Variants in CLVS2 observed in about 807,000 individuals in gnomAD.
CLVS2 encodes the protein clavesin 2, also known as clavesin-2.
CLVS2 carries 19 observed loss-of-function variants against 29.0 expected under a neutral mutation model. That is an observed-to-expected ratio of 0.66 (90% CI 0.46 to 0.96). The LOEUF (loss-of-function observed/expected upper bound fraction) is 0.96. CLVS2 is among the 40% of genes least tolerant of loss of function. The pLI is 0.00. For missense variants in CLVS2, 294 were observed against 404.1 expected (o/e 0.73, Z 2.34); for synonymous variants, 161 against 151.3 (o/e 1.06, Z -0.47).
chr6:123,025,508 G>T (rs759745565), intron 3 of CLVS2, among the ~76,000 whole-genome samples: 1 of 152,106 alleles, frequency 6.6e-6, no homozygotes, highest in Non-Finnish European at 1.5e-5. Flanking sequence ...AATCTGAGTG[G>T]TATAAAGGGT....
At chr6:123,025,628 C>T (rs1263600571) in intron 3 of CLVS2, among the ~76,000 whole-genome samples, 1 of 152,148 alleles carries the variant, frequency 6.6e-6, no homozygotes, top group Non-Finnish European at 1.5e-5. Flanking sequence ...AAGCTGAGTC[C>T]TTCTCCAAGA....
intron 3 of CLVS2, among the ~76,000 whole-genome samples, chr6:123,016,161 G>A (rs1000981267): frequency 6.6e-5 from 10 of 151,062 alleles, no homozygotes; most frequent in Non-Finnish European, 1.3e-4. Flanking sequence ...ACTTACAAGA[G>A]TTAACTGATT....
In CLVS2 at chr6:122,998,103, C is replaced by G; in HGVS notation, c.326C>G (p.Ala109Gly). The change falls in exon 2 of 6, where the codon GCC becomes GGC. Residue 109 changes from alanine (A) to glycine (G), a missense_variant. Around this residue, in one of 2 missense-constraint regions of CLVS2, gnomAD observed 212 missense variants for 336.4 expected, o/e 0.63. Coordinates refer to ENST00000275162, the MANE Select transcript of CLVS2 (RefSeq NM_001010852.4). ...ALKDGFPGGL[A>G]NLDHYGRKIL... The stretch of plus-strand genomic sequence containing the variant: ...AAGGATGGCTTCCCTGGGGGCCTGG[C>G]CAATCTGGACCACTATGGCAGGAAG... The G allele has an allele frequency of 3.1e-6, 5 of 1,614,056 alleles. No individual in the cohort carries two copies. The highest frequency in any genetic ancestry group is 4.2e-6 in the Non-Finnish European group (5 of 1,180,014).
intron 3 of CLVS2, among the ~76,000 whole-genome samples, chr6:123,037,532 C>A (rs1002233471): frequency 6.6e-6 from 1 of 152,186 alleles, no homozygotes; most frequent in Admixed American, 6.5e-5. Context: ...AAATCACTGT[C>A]TTCTGCTCTA....
intron 2 of CLVS2, among the ~76,000 whole-genome samples, chr6:123,007,184 G>A (rs1037765579): frequency 6.6e-6 from 1 of 152,132 alleles, no homozygotes; most frequent in Non-Finnish European, 1.5e-5. Context: ...TGTTGAAAAA[G>A]CAAAAGTCAT....
rs184851464 is a variant in CLVS2, at chr6:123,017,902, G to T, written c.564+6743G>T. ...AAGCAGGTGTCAACCTTGACAAAAA[G>T]TAAAATAGAGAAATGAGTGCTCTAG... On this transcript the variant is annotated intron_variant, in intron 3 of 5. Coordinates refer to ENST00000275162, the MANE Select transcript of CLVS2 (RefSeq NM_001010852.4). 3.3e-5 allele frequency among the ~76,000 whole-genome samples: 5 copies of T among 152,086 alleles called. 1 individual carries two copies. The East Asian group carries it at 9.7e-4, about 29-fold the overall frequency.
At chr6:123,004,462 C>T (rs190187784) in intron 2 of CLVS2, among the ~76,000 whole-genome samples, 307 of 152,280 alleles carry the variant, frequency 2.0e-3, no homozygotes, top group Non-Finnish European at 3.4e-3. Context: ...CATATTTATT[C>T]CAGGGATTGT....
chr6:123,005,509 G>A (rs915709106), intron 2 of CLVS2, among the ~76,000 whole-genome samples: 5 of 152,176 alleles, frequency 3.3e-5, no homozygotes, highest in South Asian at 4.1e-4. Flanking sequence ...TGCTCAGTGC[G>A]ATGCCAAGAT....
chr6:123,031,795 CTT>C (rs77836990), intron 3 of CLVS2, among the ~76,000 whole-genome samples: 9 of 144,466 alleles, frequency 6.2e-5, no homozygotes, highest in African/African-American at 1.3e-4. Flanking sequence ...CCAGTAGTAC[CTT>C]TTTTTTTTTT....
At chr6:123,024,929 A>G (rs1408058358) in intron 3 of CLVS2, among the ~76,000 whole-genome samples, 1 of 152,122 alleles carries the variant, frequency 6.6e-6, no homozygotes, top group African/African-American at 2.4e-5. Flanking sequence ...ATAGTCAACC[A>G]AAAGAAATTC....
chr6:123,061,228 C>T (rs35567360), intron 5 of CLVS2, among the ~76,000 whole-genome samples: 2 of 151,766 alleles, frequency 1.3e-5, no homozygotes, highest in African/African-American at 2.4e-5. Context: ...ACCCGGGAGG[C>T]GGAGGTTGCG....
At chr6:123,063,054 G>A (rs1311646966) in intron 5 of CLVS2, among the ~76,000 whole-genome samples, 1 of 152,074 alleles carries the variant, frequency 6.6e-6, no homozygotes, top group African/African-American at 2.4e-5. Flanking sequence ...AAACAAGAGG[G>A]GGTTTTACTT....
At position 123,065,646 on chromosome 6, in the gene CLVS2, A is replaced by T. The variant is rs1582669059; in HGVS notation, c.*1885A>T. 1 of 151,798 alleles carries T rather than the reference A, an allele frequency of 6.6e-6. No homozygotes were observed. Among genetic ancestry groups the T allele is most frequent in the East Asian group, 1.9e-4 (1 of 5,192 alleles). The allele number at this position is 151,798 out of a possible 1,614,324, so 9.4% of individuals were successfully genotyped here. On this transcript the variant is annotated 3_prime_UTR_variant, in exon 6 of 6. Coordinates refer to ENST00000275162, the MANE Select transcript of CLVS2 (RefSeq NM_001010852.4). ...ACCTTTATAAGAATTCTAACCATTG[A>T]TATTCTTACATTCTTGCCTACCTGA...
At chr6:123,041,916 TGA>T (rs1219572840) in intron 3 of CLVS2, among the ~76,000 whole-genome samples, 1 of 152,188 alleles carries the variant, frequency 6.6e-6, no homozygotes, top group African/African-American at 2.4e-5. Context: ...TTTTAGCATC[TGA>T]GAGGGCACAA....
intron 2 of CLVS2, among the ~76,000 whole-genome samples, chr6:123,004,849 G>C (rs1774640814): frequency 6.6e-6 from 1 of 152,018 alleles, no homozygotes; most frequent in African/African-American, 2.4e-5. Flanking sequence ...GGAGGTGGAG[G>C]TTTCAGTCAG....
At chr6:122,997,117 A>C (rs1334466333) in intron 1 of CLVS2, 102 bp from the exon 2 acceptor site, 2 of 158,670 alleles carry the variant, frequency 1.3e-5, no homozygotes, top group Non-Finnish European at 2.9e-5. Flanking sequence ...AATAAATCAC[A>C]CAAATTTGTC....
chr6:123,010,886 G>T (rs1234460442), intron 2 of CLVS2, 99 bp from the exon 3 acceptor site: 15 of 714,244 alleles, frequency 2.1e-5, no homozygotes, highest in Non-Finnish European at 2.8e-5. Context: ...AGATTCTGAA[G>T]GTATTTTAAA....
chr6:123,047,603 T>C (rs1772536588), intron 3 of CLVS2, among the ~76,000 whole-genome samples: 1 of 152,220 alleles, frequency 6.6e-6, no homozygotes, highest in South Asian at 2.1e-4. Flanking sequence ...CCAGAGACTC[T>C]TATTCAAGAG....
intron 2 of CLVS2, among the ~76,000 whole-genome samples, chr6:123,002,208 A>T (rs1774599066): frequency 6.6e-6 from 1 of 152,182 alleles, no homozygotes; most frequent in South Asian, 2.1e-4. Context: ...AGCACTGGCC[A>T]CCTTGCATGG....
Sources: allele counts gnomAD v4.1 joint callset (sites outside exome capture counted in the v4.1 genomes callset), GRCh38; gene constraint gnomAD v4.1.1; regional missense constraint gnomAD v4.1.1; transcripts MANE v1.5; gene names NCBI Gene and HGNC (gene_info 2026-07-23, HGNC 2026-07-21).